The following CNTNAP4 variants were observed in gnomAD, a reference collection of about 807,000 sequenced individuals.
The protein encoded by CNTNAP4 is contactin-associated protein-like 4.
CNTNAP4 carries 98 observed loss-of-function variants against 148.4 expected under a neutral mutation model. The observed-to-expected ratio is 0.66, with a 90% confidence interval of 0.56 to 0.78. CNTNAP4 has a LOEUF of 0.78. Ranked by LOEUF, CNTNAP4 falls within the 30% of genes least tolerant of loss-of-function variation. The pLI is 0.00. For synonymous variants in CNTNAP4, 730 were observed against 565.1 expected (o/e 1.29, Z -4.14); for missense variants, 1,935 against 1,565.6 (o/e 1.24, Z -3.98).
At chr16:76,467,285 G>A (rs2081205981) in intron 9 of CNTNAP4, 67 bp from the exon 10 acceptor site, 1 of 1,379,204 alleles carries the variant, frequency 7.3e-7, no homozygotes, top group African/African-American at 1.4e-5. Context: ...TTTTTTAAAT[G>A]AAGTTATCTA....
At position 76,558,739 on chromosome 16, in the gene CNTNAP4, T is replaced by C. The variant is rs1287519643; in HGVS notation, c.*56T>C. 6 of 1,322,164 alleles carry C rather than the reference T, an allele frequency of 4.5e-6. No homozygotes were observed. Among genetic ancestry groups the C allele is most frequent in the Non-Finnish European group, 6.3e-6 (6 of 957,454 alleles). The allele number at this position is 1,322,164 out of a possible 1,614,324, so 81.9% of individuals were successfully genotyped here. On this transcript the variant is annotated 3_prime_UTR_variant, in exon 24 of 24. Transcript: ENST00000611870. ...ATAGTTTGTTTTAATAGCCAGGGGT[T>C]CTCAATGGAAAAACGAATGCTCTTA...
At chr16:76,489,377 A>G (rs1302455227) in intron 12 of CNTNAP4, among the ~76,000 whole-genome samples, 3 of 152,184 alleles carry the variant, frequency 2.0e-5, no homozygotes, top group Non-Finnish European at 4.4e-5. Flanking sequence ...AATGAAATAA[A>G]ATACATCACA....
At chr16:76,552,464 G>A (rs2084994471) in intron 21 of CNTNAP4, among the ~76,000 whole-genome samples, 3 of 152,144 alleles carry the variant, frequency 2.0e-5, no homozygotes, top group African/African-American at 7.2e-5. Flanking sequence ...TGCTAAGCAA[G>A]GAGTATGTAT....
intron 17 of CNTNAP4, among the ~76,000 whole-genome samples, chr16:76,530,960 C>T (rs111630706): frequency 1.3e-4 from 20 of 152,284 alleles, no homozygotes; most frequent in African/African-American, 4.1e-4. Flanking sequence ...GTCCTGGGCC[C>T]AGCCTGCATG....
chr16:76,330,013 C>G (rs1963364333), intron 2 of CNTNAP4, among the ~76,000 whole-genome samples: 1 of 152,136 alleles, frequency 6.6e-6, no homozygotes, highest in Admixed American at 6.5e-5. Context: ...ACTTCCCACA[C>G]CTGTGCTAAA....
rs370511349 is a variant in CNTNAP4 at position 76,467,341 on chromosome 16, G to A, written c.1484-11G>A. ...TTGTGATGCGTACTGGATTTATTTC[G>A]TTTTTATCAGGTTGTCCTGACAAAA... On this transcript the variant is annotated splice_polypyrimidine_tract_variant and intron_variant, in intron 9 of 23. Transcript: ENST00000611870. The A allele has an allele frequency of 1.1e-4, 179 of 1,612,520 alleles. No individual in the cohort carries two copies. The highest frequency in any genetic ancestry group is 7.9e-4 in the African/African-American group (59 of 74,854).
At chr16:76,546,603 A>T (rs1217594355) in intron 21 of CNTNAP4, among the ~76,000 whole-genome samples, 1 of 152,240 alleles carries the variant, frequency 6.6e-6, no homozygotes, top group Non-Finnish European at 1.5e-5. Context: ...GGCCAATTGT[A>T]TAATTATTTC....
Position 76,553,778 on chromosome 16 carries a change from A to G in CNTNAP4, c.3662-58A>G, listed in dbSNP as rs192882335. ...GTTTAAAACATTTATGATGTTTTCA[A>G]AATTTCTTCTTTTACTTGCCTATAT... On this transcript the variant is annotated intron_variant, in intron 22 of 23. Transcript: ENST00000611870. 3 of 1,105,724 alleles carry G rather than the reference A, an allele frequency of 2.7e-6. No individual in the cohort carries two copies. In the African/African-American group the frequency reaches 4.7e-5, roughly 17 times the overall value. The allele number at this position is 1,105,724 out of a possible 1,614,324, so 68.5% of individuals were successfully genotyped here.
intron 3 of CNTNAP4, among the ~76,000 whole-genome samples, chr16:76,420,794 T>G (rs1207003077): frequency 1.3e-5 from 2 of 152,060 alleles, no homozygotes; most frequent in East Asian, 3.9e-4. Context: ...TTGGGTTTTC[T>G]TCTTCTAGAT....
At chr16:76,500,734 A>C (rs75009127) in intron 15 of CNTNAP4, among the ~76,000 whole-genome samples, 4,984 of 151,932 alleles carry the variant, frequency 0.033, 187 homozygotes, top group East Asian at 0.19. Context: ...GTTCAAATAT[A>C]GTTCCACTAT....
At chr16:76,535,859 G>A in intron 18 of CNTNAP4, 75 bp downstream of exon 18, 1 of 1,468,854 alleles carries the variant, frequency 6.8e-7, no homozygotes. Flanking sequence ...TCTTTTCTAT[G>A]CAGCTATTTG....
At chr16:76,504,693 A>G (rs995255355) in intron 15 of CNTNAP4, among the ~76,000 whole-genome samples, 6 of 152,174 alleles carry the variant, frequency 3.9e-5, no homozygotes, top group Non-Finnish European at 5.9e-5. Context: ...AGACTGGGTG[A>G]AAATCTTTGC....
At chr16:76,544,236 G>C (rs2084601192) in intron 21 of CNTNAP4, among the ~76,000 whole-genome samples, 1 of 148,962 alleles carries the variant, frequency 6.7e-6, no homozygotes, top group South Asian at 2.1e-4. Context: ...GTTGTAATTT[G>C]CCTACAATTA....
intron 4 of CNTNAP4, among the ~76,000 whole-genome samples, chr16:76,443,243 CT>C (rs1333544871): frequency 6.6e-6 from 1 of 152,014 alleles, no homozygotes; most frequent in Non-Finnish European, 1.5e-5. Flanking sequence ...AGCAAAAAGT[CT>C]CCTCTTACAT....
At position 76,409,052 on chromosome 16, in the gene CNTNAP4, A is replaced by G. The variant is rs151141671; in HGVS notation, c.391-18400A>G. Among the ~76,000 whole-genome samples, 437 of 152,060 alleles carry G rather than the reference A, an allele frequency of 2.9e-3. 3 individuals are homozygous for G. The highest frequency in any genetic ancestry group is 0.01 in the African/African-American group (424 of 41,500). ...CATTACTATACATTTGTGGCCTAAG[A>G]TTTTGTGACTGTCCTGGAAGAATTC... On this transcript the variant is annotated intron_variant, in intron 3 of 23. Transcript: ENST00000611870.
At chr16:76,526,963 C>T (rs1253697612) in intron 17 of CNTNAP4, among the ~76,000 whole-genome samples, 1 of 152,126 alleles carries the variant, frequency 6.6e-6, no homozygotes, top group Admixed American at 6.5e-5. Flanking sequence ...TGTGAGGCAC[C>T]GCACCAGCCT....
chr16:76,556,638 C>A (rs1242655325), intron 23 of CNTNAP4, among the ~76,000 whole-genome samples: 1 of 152,126 alleles, frequency 6.6e-6, no homozygotes, highest in Non-Finnish European at 1.5e-5. Context: ...CTATAACTAG[C>A]CTGTAGAAAT....
intron 4 of CNTNAP4, among the ~76,000 whole-genome samples, chr16:76,442,197 A>T (rs1435434340): frequency 2.0e-5 from 3 of 152,132 alleles, no homozygotes; most frequent in African/African-American, 7.2e-5. Flanking sequence ...AGATGCTGTG[A>T]CACTGGTCAC....
At chr16:76,445,625 C>A (rs556971902) in intron 4 of CNTNAP4, among the ~76,000 whole-genome samples, 31 of 151,828 alleles carry the variant, frequency 2.0e-4, no homozygotes, top group African/African-American at 7.2e-4. Context: ...ATTCCAGGCA[C>A]AAAAGCTTTA....
Sources: allele counts gnomAD v4.1 joint callset (sites outside exome capture counted in the v4.1 genomes callset), GRCh38; gene constraint gnomAD v4.1.1; transcripts MANE v1.5; gene names NCBI Gene and HGNC (gene_info 2026-07-23, HGNC 2026-07-21).